Variants in SLC39A9 observed in about 807,000 individuals in gnomAD.
The protein encoded by SLC39A9 is solute carrier family 39 member 9.
Under a neutral mutation model 28.4 loss-of-function variants are expected in SLC39A9, and 14 were observed. That is an observed-to-expected ratio of 0.49 (90% confidence interval 0.33 to 0.77). The LOEUF (loss-of-function observed/expected upper bound fraction) is 0.77. Among genes scored for constraint, SLC39A9 ranks in the 30% least tolerant of loss-of-function variants. SLC39A9 has a pLI of 0.02. For missense variants in SLC39A9, 283 were observed against 381.1 expected, an observed-to-expected ratio of 0.74 and a Z score of 2.14; for synonymous variants, 119 against 149.6, an observed-to-expected ratio of 0.80 and a Z score of 1.49.
intron 2 of SLC39A9, among the ~76,000 whole-genome samples, chr14:69,434,083 CT>C (rs570635766): frequency 0.42 from 54,264 of 128,054 alleles, 10,785 homozygotes; most frequent in Middle Eastern, 0.57. Context: ...CTTTTCTTTT[CT>C]TTTTTTTTTT....
At chr14:69,418,271 T>A (rs1883683619) in intron 1 of SLC39A9, among the ~76,000 whole-genome samples, 1 of 152,122 alleles carries the variant, frequency 6.6e-6, no homozygotes, top group African/African-American at 2.4e-5. Context: ...TTATGTTTAT[T>A]GATTTGCGTA....
chr14:69,433,191 G>A (rs1307599914), intron 2 of SLC39A9, among the ~76,000 whole-genome samples: 2 of 152,130 alleles, frequency 1.3e-5, no homozygotes, highest in South Asian at 2.1e-4. Flanking sequence ...TATCTTGAAT[G>A]GTTGTTGAAT....
chr14:69,411,279 G>C lies in SLC39A9; in HGVS notation c.96+11814G>C, dbSNP rs184016498. Among the ~76,000 whole-genome samples the C allele has an allele frequency of 1.5e-4, 23 of 150,906 alleles. No individual in the cohort carries two copies. In the East Asian group the frequency reaches 4.5e-3, roughly 29 times the overall value. On this transcript the variant is annotated intron_variant, in intron 1 of 6. Transcript: ENST00000336643. ...CTTTAGGTGAACCAATTTGTTGACTGTTTCTGTGAGCAGGGAAAGAAAGAC... is the reference window on the plus strand; with the variant it reads ...CTTTAGGTGAACCAATTTGTTGACTCTTTCTGTGAGCAGGGAAAGAAAGAC...
chr14:69,403,935 T>TG (rs1378666789), intron 1 of SLC39A9, among the ~76,000 whole-genome samples: 3 of 152,080 alleles, frequency 2.0e-5, no homozygotes, highest in East Asian at 1.9e-4. Context: ...CCCAGCTACT[T>TG]GGGGGGCTGA....
In SLC39A9 at chr14:69,419,375, G is replaced by A. The variant is rs987892697; in HGVS notation, c.97-4719G>A. ...AGTGTGGTCTGAGAGACAGTTTATT[G>A]TGATTTCTGTTCTTTTACATTTGCT... On this transcript the variant is annotated intron_variant, in intron 1 of 6. Coordinates refer to ENST00000336643, the MANE Select transcript of SLC39A9 (RefSeq NM_018375.5). Among the ~76,000 whole-genome samples the A allele has an allele frequency of 2.0e-5, 3 of 152,180 alleles. No individual in the cohort carries two copies. In the East Asian group the frequency reaches 5.8e-4, roughly 29 times the overall value.
rs1886040344 is a variant in SLC39A9, at chr14:69,459,826, G to A, written c.*1233G>A. ...ACTGCTGGTGTTAATATTTGTGTGG[G>A]ATGAATTCTTATCAGGACAACCACT... On this transcript the variant is annotated 3_prime_UTR_variant, in exon 7 of 7. Coordinates refer to ENST00000336643, the MANE Select transcript of SLC39A9 (RefSeq NM_018375.5). 1.0e-6 allele frequency: 1 copy of A among 985,174 alleles called. No individual in the cohort carries two copies. Among genetic ancestry groups the A allele is most frequent in the African/African-American group, 1.7e-5 (1 of 57,188 alleles). 61.0% of individuals were successfully genotyped at this position (985,174 alleles called of 1,614,324 possible).
intron 3 of SLC39A9, among the ~76,000 whole-genome samples, chr14:69,446,890 G>GA (rs35187761): frequency 1.2e-5 from 1 of 83,024 alleles, no homozygotes. Flanking sequence ...AAAAAAAAAA[G>GA]AAAAAGAAAA....
chr14:69,459,982 C>A lies in SLC39A9; in HGVS notation c.*1389C>A. 1 of 984,826 alleles carries A rather than the reference C, an allele frequency of 1.0e-6. No homozygotes were observed. Among genetic ancestry groups the A allele is most frequent in the Non-Finnish European group, 1.2e-6 (1 of 829,014 alleles). 61.0% of individuals were successfully genotyped at this position (984,826 alleles called of 1,614,324 possible). A position where few individuals can be genotyped will look rare whatever the true frequency, so the allele number is the denominator to read the frequency against. ...CTCCTCATGTGTAAATTGACACAAT[C>A]ACTAATCTGGTAATTTAAACAATTG... On this transcript the variant is annotated 3_prime_UTR_variant, in exon 7 of 7. Transcript: ENST00000336643.
rs1277125826 is a variant in SLC39A9 at position 69,448,692 on chromosome 14, A to G, written c.404-4549A>G. Among the ~76,000 whole-genome samples, 3 of 152,246 alleles carry G rather than the reference A, an allele frequency of 2.0e-5. No individual in the cohort carries two copies. In the East Asian group the frequency reaches 5.8e-4, roughly 29 times the overall value. ...TAGACTGGATCCTTCCTGGAAAGGA[A>G]ACATGCCCTGAAGTAAGTACTTTAT... On this transcript the variant is annotated intron_variant, in intron 3 of 6. Transcript: ENST00000336643.
chr14:69,434,383 C>T (rs1884646393), intron 2 of SLC39A9, among the ~76,000 whole-genome samples: 1 of 151,140 alleles, frequency 6.6e-6, no homozygotes, highest in South Asian at 2.1e-4. Flanking sequence ...CACACCTGGC[C>T]TATTCTTTTC....
chr14:69,407,083 C>G (rs1165138074), intron 1 of SLC39A9, among the ~76,000 whole-genome samples: 2 of 151,890 alleles, frequency 1.3e-5, no homozygotes, highest in East Asian at 3.9e-4. Context: ...ATCTCCTGGC[C>G]TTGAGATCTG....
intron 2 of SLC39A9, 36 bp from the exon 3 acceptor site, chr14:69,442,033 A>G: frequency 6.3e-7 from 1 of 1,592,562 alleles, no homozygotes; most frequent in Non-Finnish European, 8.6e-7. Context: ...TTTAGGGGAA[A>G]AACATATTTT....
chr14:69,450,161 C>T (rs1885536082), intron 3 of SLC39A9, among the ~76,000 whole-genome samples: 1 of 151,886 alleles, frequency 6.6e-6, no homozygotes, highest in Admixed American at 6.6e-5. Context: ...TGCGCTCCAG[C>T]CCGGGTGACC....
intron 3 of SLC39A9, among the ~76,000 whole-genome samples, chr14:69,447,134 T>G (rs1431705976): frequency 6.6e-6 from 1 of 152,158 alleles, no homozygotes; most frequent in Non-Finnish European, 1.5e-5. Context: ...TTTTATTTCC[T>G]TATTGGCTTC....
At chr14:69,429,980 A>G (rs563283656) in intron 2 of SLC39A9, among the ~76,000 whole-genome samples, 1 of 152,258 alleles carries the variant, frequency 6.6e-6, no homozygotes, top group South Asian at 2.1e-4. Flanking sequence ...ACATCTTTTC[A>G]TATGCTTAAT....
At chr14:69,408,563 T>C (rs1323330222) in intron 1 of SLC39A9, among the ~76,000 whole-genome samples, 1 of 152,208 alleles carries the variant, frequency 6.6e-6, no homozygotes, top group Non-Finnish European at 1.5e-5. Context: ...AGGGCACATA[T>C]CATTTGATGA....
At chr14:69,443,072 A>G (rs1048981058) in intron 3 of SLC39A9, among the ~76,000 whole-genome samples, 1 of 152,212 alleles carries the variant, frequency 6.6e-6, no homozygotes, top group African/African-American at 2.4e-5. Flanking sequence ...TTTAAGATCA[A>G]TGAATTTATC....
chr14:69,402,645 A>G (rs1882700859), intron 1 of SLC39A9, among the ~76,000 whole-genome samples: 1 of 152,110 alleles, frequency 6.6e-6, no homozygotes, highest in Admixed American at 6.5e-5. Context: ...TTGCCCTTTG[A>G]CCTGGCAACT....
rs554196322 is a variant in SLC39A9 at position 69,460,889 on chromosome 14, T to C, written c.*2296T>C. 2.0e-4 allele frequency: 197 copies of C among 985,476 alleles called. No homozygotes were observed. In the Middle Eastern group the frequency reaches 4.2e-3, roughly 21 times the overall value. 61.0% of individuals were successfully genotyped at this position (985,476 alleles called of 1,614,324 possible). A position where few individuals can be genotyped will look rare whatever the true frequency, so the allele number is the denominator to read the frequency against. ...GACAGAAATAGCCATACTAATCTCA[T>C]AGGGCTCAAATGCATCTTCAGGCAG... is the stretch of plus-strand genomic sequence containing the variant. On this transcript the variant is annotated 3_prime_UTR_variant, in exon 7 of 7. Coordinates refer to ENST00000336643, the MANE Select transcript of SLC39A9 (RefSeq NM_018375.5).
Sources: gnomAD v4.1 joint callset for allele counts (sites outside exome capture counted in the v4.1 genomes callset) on GRCh38, gnomAD v4.1.1 for gene constraint, MANE v1.5 for transcripts, NCBI Gene and HGNC (gene_info 2026-07-23, HGNC 2026-07-21) for gene names.